The following ERI1 variants were observed in gnomAD, a reference collection of about 807,000 sequenced individuals.
The protein encoded by ERI1 is 3'-5' exoribonuclease 1.
In ERI1, 39 loss-of-function variants were observed where a neutral mutation model predicts 39.7. The observed-to-expected ratio is 0.98, with a 90% CI of 0.76 to 1.28. The LOEUF is 1.28. ERI1 is among the 50% of genes most tolerant of loss of function. The pLI is 0.00. For missense variants in ERI1, 581 were observed against 416.9 expected (o/e 1.39, Z -3.43); for synonymous variants, 204 against 149.6 (o/e 1.36, Z -2.65).
At position 9,052,397 on chromosome 8, in the gene ERI1, A is replaced by G. The variant is rs79837912; in HGVS notation, n.299+31933A>G. Reference sequence around the variant, plus strand: ...CTACCAAAAGAACTGGACAAACTCCACTAGTTTGAGAACAGTCACCTCCTA... The same window carrying G: ...CTACCAAAAGAACTGGACAAACTCCGCTAGTTTGAGAACAGTCACCTCCTA... On this transcript the variant is annotated intron_variant and non_coding_transcript_variant, in intron 3 of 3. Coordinates refer to the ERI1 transcript ENST00000518663. Among the ~76,000 whole-genome samples, 5 of 152,222 alleles carry G rather than the reference A, an allele frequency of 3.3e-5. No homozygotes were observed. In the East Asian group the frequency reaches 9.7e-4, roughly 29 times the overall value.
intron 3 of ERI1, among the ~76,000 whole-genome samples, chr8:9,057,186 C>G (rs897568288): frequency 1.3e-5 from 2 of 152,036 alleles, no homozygotes; most frequent in African/African-American, 4.8e-5. Context: ...GCTCTGTCGC[C>G]CAGGCTGGAG....
At chr8:9,012,551 C>T (rs1816779095) in intron 3 of ERI1, among the ~76,000 whole-genome samples, 1 of 152,102 alleles carries the variant, frequency 6.6e-6, no homozygotes, top group Non-Finnish European at 1.5e-5. Context: ...TAGTCTTAGC[C>T]TATTTCTATA....
At position 9,002,920 on chromosome 8, in the gene ERI1, G is replaced by A; in HGVS notation, c.-144G>A. 1.9e-6 allele frequency: 1 copy of A among 512,832 alleles called. No homozygotes were observed. The highest frequency in any genetic ancestry group is 3.0e-6 in the Non-Finnish European group (1 of 331,508). The allele number at this position is 512,832 out of a possible 1,614,324, so 31.8% of individuals were successfully genotyped here. A position where few individuals can be genotyped will look rare whatever the true frequency, so the allele number is the denominator to read the frequency against. ...CCACACGCTCCCGGAAGTGGGAGGT[G>A]GCCGCTGGAGTTTGTGTGGCCGCCG... On this transcript the variant is annotated 5_prime_UTR_variant, in exon 1 of 7. Transcript: ENST00000250263.
downstream of ERI1, among the ~76,000 whole-genome samples, chr8:9,033,586 C>G (rs1422841538): frequency 6.6e-6 from 1 of 152,022 alleles, no homozygotes; most frequent in African/African-American, 2.4e-5. Flanking sequence ...ATGATACTTG[C>G]ATCAGACATT....
At chr8:9,043,227 C>T (rs920282850) in intron 3 of ERI1, among the ~76,000 whole-genome samples, 3 of 152,206 alleles carry the variant, frequency 2.0e-5, no homozygotes, top group African/African-American at 7.2e-5. Flanking sequence ...TTGAAACTCC[C>T]ACCTTTAAGA....
chr8:9,090,867 C>A (rs990881525), intron 3 of ERI1, among the ~76,000 whole-genome samples: 3 of 152,080 alleles, frequency 2.0e-5, no homozygotes, highest in African/African-American at 7.2e-5. Flanking sequence ...AAGAAATATT[C>A]CAAGCTGTTT....
chr8:9,068,231 T>C (rs1798942295), intron 3 of ERI1, among the ~76,000 whole-genome samples: 1 of 152,190 alleles, frequency 6.6e-6, no homozygotes, highest in South Asian at 2.1e-4. Flanking sequence ...AAAGAAGCGT[T>C]TCTGGAAATC....
intron 3 of ERI1, among the ~76,000 whole-genome samples, chr8:9,083,163 A>C (rs1222308707): frequency 6.6e-6 from 1 of 152,222 alleles, no homozygotes; most frequent in African/African-American, 2.4e-5. Flanking sequence ...GAATGTAACA[A>C]GTGGTCACTG....
Position 9,032,393 on chromosome 8 carries a change from G to C in ERI1, c.*2359G>C, listed in dbSNP as rs920801259. 1 of 151,776 alleles carries C rather than the reference G, an allele frequency of 6.6e-6. No individual in the cohort carries two copies. The highest frequency in any genetic ancestry group is 2.4e-5 in the African/African-American group (1 of 41,266). 9.4% of individuals were successfully genotyped at this position (151,776 alleles called of 1,614,324 possible). A position where few individuals can be genotyped will look rare whatever the true frequency, so the allele number is the denominator to read the frequency against. ...ATTTCTGCTGATTTTTTTCAAATCCGCAATCTTTATAACCAACTGAAGTAT... is the reference window on the plus strand; with the variant it reads ...ATTTCTGCTGATTTTTTTCAAATCCCCAATCTTTATAACCAACTGAAGTAT... On this transcript the variant is annotated 3_prime_UTR_variant, in exon 7 of 7. Coordinates refer to ENST00000250263, the MANE Select transcript of ERI1 (RefSeq NM_153332.4).
chr8:9,081,151 C>T (rs921606902), intron 3 of ERI1, among the ~76,000 whole-genome samples: 2 of 152,156 alleles, frequency 1.3e-5, no homozygotes, highest in Non-Finnish European at 2.9e-5. Flanking sequence ...CTCTTGAGAA[C>T]CCACTTACTA....
chr8:9,045,235 C>CAAAAAAAAAAAAAAAAAAAAAAAA (rs5889258), intron 3 of ERI1, among the ~76,000 whole-genome samples: 1 of 75,672 alleles, frequency 1.3e-5, no homozygotes, highest in Non-Finnish European at 2.6e-5. Context: ...GACTCTGTCT[C>CAAAAAAAAAAAAAAAAAAAAAAAA]AAAAAAAAAA....
At chr8:9,046,789 G>A (rs936576277) in intron 3 of ERI1, among the ~76,000 whole-genome samples, 2 of 152,212 alleles carry the variant, frequency 1.3e-5, no homozygotes, top group East Asian at 3.9e-4. Flanking sequence ...AGAAATGGAA[G>A]AAAGCAGTGG....
Position 9,025,004 on chromosome 8 carries a change from A to G in ERI1, c.807+4540A>G, listed in dbSNP as rs575583513. 9.2e-5 allele frequency among the ~76,000 whole-genome samples: 14 copies of G among 152,254 alleles called. No homozygotes were observed. The South Asian group carries it at 2.5e-3, about 27-fold the overall frequency. On this transcript the variant is annotated intron_variant, in intron 6 of 6. Transcript: ENST00000250263. ...GTGCAGTGAAGTGTTACTGCTTTCA[A>G]ATGAATGACAGGATACTTTGCAGAA...
intron 3 of ERI1, chr8:9,049,891 G>C (rs1387560430): frequency 1.3e-5 from 2 of 152,214 alleles, no homozygotes; most frequent in African/African-American, 2.4e-5. Context: ...CCCAGAGAAG[G>C]CAATTTGAGT....
At chr8:9,095,844 T>C (rs1799860356) in intron 3 of ERI1, among the ~76,000 whole-genome samples, 1 of 152,024 alleles carries the variant, frequency 6.6e-6, no homozygotes, top group Non-Finnish European at 1.5e-5. Flanking sequence ...GTTTGCTCTG[T>C]GTTTAAGGAT....
chr8:9,018,192 C>T, intron 4 of ERI1, 105 bp from the exon 5 acceptor site: 1 of 567,282 alleles, frequency 1.8e-6, no homozygotes, highest in Non-Finnish European at 3.2e-6. Flanking sequence ...AAAGTATCAG[C>T]CTTTCTCATA....
intron 3 of ERI1, among the ~76,000 whole-genome samples, chr8:9,056,867 T>C (rs1162128660): frequency 6.6e-6 from 1 of 152,224 alleles, no homozygotes; most frequent in African/African-American, 2.4e-5. Context: ...AAAGTCTTGC[T>C]CTGTCACCCA....
intron 3 of ERI1, among the ~76,000 whole-genome samples, chr8:9,068,793 T>A (rs1302403427): frequency 6.6e-6 from 1 of 152,144 alleles, no homozygotes; most frequent in Non-Finnish European, 1.5e-5. Context: ...AGAGAGTGAT[T>A]GGCACTGTTT....
At chr8:9,021,233 C>T (rs1251005748) in intron 6 of ERI1, among the ~76,000 whole-genome samples, 1 of 152,150 alleles carries the variant, frequency 6.6e-6, no homozygotes, top group Non-Finnish European at 1.5e-5. Context: ...AACTGTAAGT[C>T]ACTTCTTATG....
Sources: allele counts gnomAD v4.1 joint callset (sites outside exome capture counted in the v4.1 genomes callset), GRCh38; gene constraint gnomAD v4.1.1; transcripts MANE v1.5; gene names NCBI Gene and HGNC (gene_info 2026-07-23, HGNC 2026-07-21).